TAF4: variants seen among roughly 807,000 people sequenced by gnomAD.
TAF4 encodes the protein TATA-box binding protein associated factor 4.
Under a neutral mutation model 90.3 loss-of-function variants are expected in TAF4, and 9 were observed. The ratio of observed to expected loss-of-function variants is 0.10; its 90% CI spans 0.06 to 0.17. The LOEUF is 0.17. Among genes scored for constraint, TAF4 ranks in the 10% least tolerant of loss-of-function variants. The pLI is 1.00. For missense variants in TAF4, 1,351 were observed against 1,370.7 expected, an observed-to-expected ratio of 0.99 and a Z score of 0.23; for synonymous variants, 818 against 638.9, an observed-to-expected ratio of 1.28 and a Z score of -4.23.
At chr20:62,046,733 G>A (rs1002961327) in intron 1 of TAF4, among the ~76,000 whole-genome samples, 6 of 152,192 alleles carry the variant, frequency 3.9e-5, no homozygotes, top group African/African-American at 7.2e-5. Context: ...ACCGACACAC[G>A]GGATGGCTGT....
intron 6 of TAF4, 29 bp downstream of exon 6, chr20:62,007,518 C>A (rs752122697): frequency 6.2e-7 from 1 of 1,609,116 alleles, no homozygotes; most frequent in Non-Finnish European, 8.5e-7. Context: ...GGCCCTACTG[C>A]TCGCAGGCAC....
chr20:62,010,645 C>G lies in TAF4; in HGVS notation c.1642-480G>C, dbSNP rs1344347908. On this transcript the variant is annotated intron_variant, in intron 3 of 14. Transcript: ENST00000252996. The surrounding 1 kb of genome is among the most constrained non-coding windows in gnomAD (Gnocchi z 4.5). ...GCAGCCTCCCATAGGGGAGGGTCCC[C>G]AGCTCCCTGCAATCACCCAAACCCA... Among the ~76,000 whole-genome samples the G allele has an allele frequency of 2.0e-5, 3 of 152,134 alleles. No homozygotes were observed. Among genetic ancestry groups the G allele is most frequent in the Non-Finnish European group, 2.9e-5 (2 of 68,040 alleles).
At chr20:62,056,113 T>C (rs1323963759) in intron 1 of TAF4, among the ~76,000 whole-genome samples, 1 of 152,164 alleles carries the variant, frequency 6.6e-6, no homozygotes, top group Non-Finnish European at 1.5e-5. Flanking sequence ...GGTACATGCC[T>C]GTATTCCCAG....
intron 1 of TAF4, among the ~76,000 whole-genome samples, chr20:62,063,282 ACC>A (rs2056100103): frequency 6.6e-6 from 1 of 152,170 alleles, no homozygotes. Context: ...AGATTCTGCA[ACC>A]CTGTCAAAGT....
intron 1 of TAF4, among the ~76,000 whole-genome samples, chr20:62,055,379 G>A (rs1423171863): frequency 6.6e-6 from 1 of 152,166 alleles, no homozygotes; most frequent in East Asian, 1.9e-4. Flanking sequence ...GGGCAGTCCT[G>A]CAAGACAATC....
chr20:61,981,700 A>G (rs1347424572), intron 14 of TAF4, among the ~76,000 whole-genome samples: 2 of 152,062 alleles, frequency 1.3e-5, no homozygotes, highest in Non-Finnish European at 2.9e-5. Flanking sequence ...CCTCAGGCAG[A>G]GTGGGACATT....
intron 14 of TAF4, among the ~76,000 whole-genome samples, chr20:61,983,913 G>A (rs1278122681): frequency 2.0e-5 from 3 of 152,168 alleles, no homozygotes; most frequent in Admixed American, 6.5e-5. Flanking sequence ...CAGGGTGACG[G>A]TCTGACGTGT....
At chr20:62,023,756 AAAAAAAAAAAAAAAG>A (rs1453632716) in intron 1 of TAF4, among the ~76,000 whole-genome samples, 9 of 146,642 alleles carry the variant, frequency 6.1e-5, no homozygotes, top group Admixed American at 2.0e-4. Context: ...TCAAAAAAAA[AAAAAAAAAAAAAAAG>A]AAAGAAAGAA....
At chr20:62,016,966 T>A (rs1042395363) in intron 1 of TAF4, among the ~76,000 whole-genome samples, 5 of 151,782 alleles carry the variant, frequency 3.3e-5, no homozygotes, top group African/African-American at 1.2e-4. Context: ...TGAGACCCCA[T>A]CTTTGCAAAA....
At position 62,064,447 on chromosome 20, in the gene TAF4, T is replaced by TCAC; in HGVS notation, c.1360+1_1360+3dup. On this transcript the variant is annotated splice_donor_region_variant and intron_variant, in intron 1 of 14. Transcript: ENST00000252996. ...CTTCCCTCCCGCCCCGTGCGGCCAC[T>TCAC]CACCTGGGGGCAGCTGGAAGTTCTG... 7.2e-7 allele frequency: 1 copy of TCAC among 1,391,162 alleles called. No individual in the cohort carries two copies. The highest frequency in any genetic ancestry group is 9.4e-7 in the Non-Finnish European group (1 of 1,064,278). 86.2% of individuals were successfully genotyped at this position (1,391,162 alleles called of 1,614,324 possible).
intron 1 of TAF4, among the ~76,000 whole-genome samples, chr20:62,038,492 AT>A (rs1294758305): frequency 2.0e-5 from 3 of 152,108 alleles, no homozygotes; most frequent in Non-Finnish European, 4.4e-5. Flanking sequence ...GCCAAAAGCA[AT>A]TGTTTTTCTA....
intron 1 of TAF4, among the ~76,000 whole-genome samples, chr20:62,026,960 C>T (rs142363957): frequency 1.7e-4 from 26 of 152,364 alleles, no homozygotes; most frequent in African/African-American, 5.1e-4. Context: ...GAGACTTCTA[C>T]TCATGATTTG....
At chr20:62,009,728 G>A (rs780232230) in intron 4 of TAF4, among the ~76,000 whole-genome samples, 10 of 152,190 alleles carry the variant, frequency 6.6e-5, no homozygotes, top group African/African-American at 9.7e-5. Context: ...GATACAGGCC[G>A]ACACTACGAG....
At position 62,065,316 on chromosome 20, in the gene TAF4, C is replaced by CGG. The variant is rs2056123240; in HGVS notation, c.494_495insCC (p.Leu166ArgfsTer34). On this transcript the variant is annotated frameshift_variant, in exon 1 of 15. Coordinates refer to ENST00000252996, the MANE Select transcript of TAF4 (RefSeq NM_003185.4). LOFTEE classifies it high-confidence loss of function. ...GGCCGGGGCCGGCGCGGGCGGCCAGCGCGGCGGGGCCGGCGGGCTTGGCGG... is the reference window on the plus strand; with the variant it reads ...GGCCGGGGCCGGCGCGGGCGGCCAGCGGGCGGCGGGGCCGGCGGGCTTGGCGG... The CGG allele has an allele frequency of 1.1e-6, 1 of 917,998 alleles. No individual in the cohort carries two copies. Among genetic ancestry groups the CGG allele is most frequent in the African/African-American group, 2.1e-5 (1 of 48,754 alleles). The allele number at this position is 917,998 out of a possible 1,614,324, so 56.9% of individuals were successfully genotyped here.
chr20:62,033,733 G>A (rs1206994840), intron 1 of TAF4, among the ~76,000 whole-genome samples: 5 of 138,030 alleles, frequency 3.6e-5, no homozygotes, highest in African/African-American at 5.4e-5. Context: ...GTGAGACTCC[G>A]TCTCAAAAAA....
chr20:62,055,522 C>A (rs2056058312), intron 1 of TAF4, among the ~76,000 whole-genome samples: 1 of 152,180 alleles, frequency 6.6e-6, no homozygotes, highest in African/African-American at 2.4e-5. Context: ...GGCAGCCCTG[C>A]AATATAACCA....
At chr20:62,027,878 C>T (rs2055883373) in intron 1 of TAF4, among the ~76,000 whole-genome samples, 1 of 152,234 alleles carries the variant, frequency 6.6e-6, no homozygotes, top group Admixed American at 6.5e-5. Context: ...AAACAGCCTC[C>T]CGCCTGCCCC....
In TAF4 at chr20:61,975,427, A is replaced by G. The variant is rs2055486948; in HGVS notation, c.*741T>C. ...TTTAGCTAAAAAACACAGTGCAAGT[A>G]AAATATATTTATGCTGAAAAGGTTT... On this transcript the variant is annotated 3_prime_UTR_variant, in exon 15 of 15. Coordinates refer to ENST00000252996, the MANE Select transcript of TAF4 (RefSeq NM_003185.4). 1 of 152,342 alleles carries G rather than the reference A, an allele frequency of 6.6e-6. No individual in the cohort carries two copies. Among genetic ancestry groups the G allele is most frequent in the Admixed American group, 6.6e-5 (1 of 15,260 alleles). The allele number at this position is 152,342 out of a possible 1,614,324, so 9.4% of individuals were successfully genotyped here.
intron 1 of TAF4, among the ~76,000 whole-genome samples, chr20:62,030,249 G>A (rs1012038793): frequency 3.9e-5 from 6 of 152,232 alleles, no homozygotes; most frequent in Non-Finnish European, 8.8e-5. Context: ...CACAGTGCCC[G>A]GTCAGTGCAG....
Sources: allele counts gnomAD v4.1 joint callset (sites outside exome capture counted in the v4.1 genomes callset), GRCh38; gene constraint gnomAD v4.1.1; non-coding constraint Gnocchi (gnomAD v3.1); transcripts MANE v1.5; gene names NCBI Gene and HGNC (gene_info 2026-07-23, HGNC 2026-07-21).